Variants in ADAM19 observed in about 807,000 individuals in gnomAD.
ADAM19 encodes the protein disintegrin and metalloproteinase domain-containing protein 19.
In ADAM19, 65 loss-of-function variants were observed where a neutral mutation model predicts 114.7. The observed-to-expected ratio is 0.57, with a 90% confidence interval of 0.46 to 0.70. The LOEUF is 0.70. Among genes scored for constraint, ADAM19 ranks in the 30% least tolerant of loss-of-function variants. ADAM19 has a pLI of 0.00. For missense variants in ADAM19, 1,063 were observed against 1,204.7 expected (o/e 0.88, Z 1.74); for synonymous variants, 466 against 460.5 (o/e 1.01, Z -0.15).
At chr5:157,523,129 A>G (rs1018959647) in intron 5 of ADAM19, among the ~76,000 whole-genome samples, 1 of 152,198 alleles carries the variant, frequency 6.6e-6, no homozygotes, top group African/African-American at 2.4e-5. Context: ...TGTGGGCTCC[A>G]GGCATGGGGA....
intron 21 of ADAM19, among the ~76,000 whole-genome samples, chr5:157,483,877 C>T (rs1754841874): frequency 6.6e-6 from 1 of 152,054 alleles, no homozygotes; most frequent in African/African-American, 2.4e-5. Flanking sequence ...AGGTGATCTG[C>T]CTGCCTTGGC....
At chr5:157,517,749 T>G (rs1385997252) in intron 7 of ADAM19, among the ~76,000 whole-genome samples, 1 of 152,214 alleles carries the variant, frequency 6.6e-6, no homozygotes, top group African/African-American at 2.4e-5. Flanking sequence ...AGATCACTGA[T>G]GAATAAATGA....
chr5:157,498,441 C>T (rs531578844), intron 13 of ADAM19, among the ~76,000 whole-genome samples: 1 of 152,216 alleles, frequency 6.6e-6, no homozygotes, highest in East Asian at 1.9e-4. Flanking sequence ...TGTGTGCTCA[C>T]TCACCCACAA....
chr5:157,552,978 T>C (rs1757245352), intron 3 of ADAM19, among the ~76,000 whole-genome samples: 1 of 152,008 alleles, frequency 6.6e-6, no homozygotes. Context: ...ATTTGTAGGA[T>C]CTAAAAATCA....
chr5:157,480,460 C>T lies in ADAM19; in HGVS notation c.*489G>A. On this transcript the variant is annotated 3_prime_UTR_variant, in exon 23 of 23. Transcript: ENST00000257527. The stretch of plus-strand genomic sequence containing the variant: ...CACAGCAGTGGCTGGCTTGACCCTT[C>T]CTTAATCCCTAAAAGCTAAAAGGGG... 2.0e-6 allele frequency: 2 copies of T among 990,902 alleles called. No individual in the cohort carries two copies. The highest frequency in any genetic ancestry group is 2.4e-6 in the Non-Finnish European group (2 of 833,502). The allele number at this position is 990,902 out of a possible 1,614,324, so 61.4% of individuals were successfully genotyped here.
chr5:157,531,832 G>A (rs1424234048), intron 4 of ADAM19, among the ~76,000 whole-genome samples: 1 of 152,136 alleles, frequency 6.6e-6, no homozygotes, highest in Admixed American at 6.5e-5. Flanking sequence ...TGATGAAGTT[G>A]CAAGCCAAGG....
chr5:157,523,113 G>C (rs966767326), intron 5 of ADAM19, among the ~76,000 whole-genome samples: 1 of 152,130 alleles, frequency 6.6e-6, no homozygotes, highest in African/African-American at 2.4e-5. Flanking sequence ...TCATGGTTAA[G>C]GGCAGTGTGG....
intron 12 of ADAM19, among the ~76,000 whole-genome samples, 159 bp from the exon 13 acceptor site, chr5:157,499,821 G>A (rs1755500655): frequency 6.8e-6 from 1 of 146,438 alleles, no homozygotes; most frequent in South Asian, 2.2e-4. Flanking sequence ...CTGTCACCCA[G>A]GCTGGAGTGC....
chr5:157,546,418 C>T (rs2113773379), intron 3 of ADAM19, among the ~76,000 whole-genome samples: 1 of 152,326 alleles, frequency 6.6e-6, no homozygotes, highest in Admixed American at 6.5e-5. Flanking sequence ...CTTCTCCAAA[C>T]CCATATTCCT....
intron 19 of ADAM19, among the ~76,000 whole-genome samples, 156 bp from the exon 20 acceptor site, chr5:157,489,342 T>G (rs1755071045): frequency 6.6e-6 from 1 of 152,140 alleles, no homozygotes; most frequent in Non-Finnish European, 1.5e-5. Flanking sequence ...AACCACATCT[T>G]CCTAAGTAGA....
At chr5:157,488,739 C>T (rs1270284457) in intron 20 of ADAM19, among the ~76,000 whole-genome samples, 2 of 152,174 alleles carry the variant, frequency 1.3e-5, no homozygotes, top group Non-Finnish European at 1.5e-5. Flanking sequence ...CTTAGAAAAA[C>T]ACAGCATGGC....
In ADAM19 at chr5:157,480,191, CAAAGAGCAACTAA is replaced by C; in HGVS notation, c.*745_*757del. On this transcript the variant is annotated 3_prime_UTR_variant, in exon 23 of 23. Transcript: ENST00000257527. ...CACCAGGAAAGTGCGGCAGAGAAAA[CAAAGAGCAACTAA>C]AAATTATCCAGAGTCAGGAGTCGCA... The C allele has an allele frequency of 1.0e-6, 1 of 986,178 alleles. No individual in the cohort carries two copies. The highest frequency in any genetic ancestry group is 1.2e-6 in the Non-Finnish European group (1 of 830,086). 61.1% of individuals were successfully genotyped at this position (986,178 alleles called of 1,614,324 possible). A position where few individuals can be genotyped will look rare whatever the true frequency, so the allele number is the denominator to read the frequency against.
chr5:157,538,431 T>G (rs752174203), intron 3 of ADAM19, among the ~76,000 whole-genome samples: 10 of 152,190 alleles, frequency 6.6e-5, no homozygotes, highest in Non-Finnish European at 1.2e-4. Flanking sequence ...TGATGCATAT[T>G]TTGGTGAGAT....
chr5:157,488,441 G>T lies in ADAM19; in HGVS notation c.2374C>A (p.Arg792=). 6.2e-7 allele frequency: 1 copy of T among 1,610,834 alleles called. No homozygotes were observed. Among genetic ancestry groups the T allele is most frequent in the Non-Finnish European group, 8.5e-7 (1 of 1,177,892 alleles). The change falls in exon 21 of 23, where the codon CGG becomes AGG. Residue 792 remains arginine, a synonymous_variant. Coordinates refer to ENST00000257527, the MANE Select transcript of ADAM19 (RefSeq NM_033274.5). The part of the protein sequence containing the change: ...ILRKPSQPPP[R]PPPDYLRGGS... Reference sequence around the variant, plus strand: ...CCACGCAGATAATCTGGAGGGGGCCGGGGAGGAGGCTGGGAGGGCTTCCGC... The same window carrying T: ...CCACGCAGATAATCTGGAGGGGGCCTGGGAGGAGGCTGGGAGGGCTTCCGC...
chr5:157,557,500 A>C (rs1757398262), intron 3 of ADAM19, among the ~76,000 whole-genome samples: 1 of 152,216 alleles, frequency 6.6e-6, no homozygotes, highest in Non-Finnish European at 1.5e-5. Context: ...GTCTGAGCTT[A>C]AGCAATGGAC....
At chr5:157,521,475 C>T (rs975684825) in intron 5 of ADAM19, among the ~76,000 whole-genome samples, 6 of 152,136 alleles carry the variant, frequency 3.9e-5, no homozygotes, top group Admixed American at 6.5e-5. Flanking sequence ...CCACCACAAC[C>T]GCCACTTGGG....
chr5:157,518,773 A>T, intron 7 of ADAM19, 50 bp downstream of exon 7: 1 of 1,368,152 alleles, frequency 7.3e-7, no homozygotes, highest in Non-Finnish European at 1.0e-6. Context: ...CCTGGAATGG[A>T]AGCTATCAAG....
chr5:157,491,582 A>T (rs773582493), intron 18 of ADAM19, 33 bp downstream of exon 18: 2 of 1,417,596 alleles, frequency 1.4e-6, no homozygotes, highest in Non-Finnish European at 1.9e-6. Flanking sequence ...TTCTCACAAA[A>T]GCGGGCAGTG....
chr5:157,521,791 T>C (rs1175816811), intron 5 of ADAM19, among the ~76,000 whole-genome samples: 1 of 152,202 alleles, frequency 6.6e-6, no homozygotes, highest in Non-Finnish European at 1.5e-5. Flanking sequence ...GCTGCACGCA[T>C]CCTGTTCCCA....
Sources: allele counts gnomAD v4.1 joint callset (sites outside exome capture counted in the v4.1 genomes callset), GRCh38; gene constraint gnomAD v4.1.1; transcripts MANE v1.5; gene names NCBI Gene and HGNC (gene_info 2026-07-23, HGNC 2026-07-21).